B4GALT4: variants seen among roughly 807,000 people sequenced by gnomAD.
B4GALT4 encodes N-acetyllactosamine synthase.
Under a neutral mutation model 37.3 loss-of-function variants are expected in B4GALT4, and 27 were observed. That is an observed-to-expected ratio of 0.72 (90% confidence interval 0.53 to 1.00). The LOEUF (loss-of-function observed/expected upper bound fraction) is 1.00, where lower values mean the gene tolerates loss of function less well. Among genes scored for constraint, B4GALT4 ranks in the 50% least tolerant of loss-of-function variants. The pLI is 0.00. For synonymous variants in B4GALT4, 148 were observed against 154.1 expected (o/e 0.96, Z 0.29); for missense variants, 372 against 413.1 (o/e 0.90, Z 0.86).
intron 7 of B4GALT4, 104 bp from the exon 8 acceptor site, chr3:119,212,785 G>A (rs1302932137): frequency 1.8e-6 from 2 of 1,113,548 alleles, no homozygotes; most frequent in Non-Finnish European, 2.4e-6. Flanking sequence ...GTAAATTATT[G>A]TACCTGTTGT....
At chr3:119,225,428 GCT>G (rs926092527) in intron 4 of B4GALT4, among the ~76,000 whole-genome samples, 2 of 151,658 alleles carry the variant, frequency 1.3e-5, no homozygotes, top group Non-Finnish European at 2.9e-5. Context: ...ATGGAATCTC[GCT>G]CTGTTGCCCA....
chr3:119,225,006 GACTT>G (rs531942296), intron 4 of B4GALT4, among the ~76,000 whole-genome samples: 89 of 152,316 alleles, frequency 5.8e-4, no homozygotes, highest in South Asian at 3.9e-3. Context: ...GCTTCTAAGA[GACTT>G]AGTTAATAGC....
chr3:119,212,655 C>T lies in B4GALT4; in HGVS notation c.929G>A (p.Arg310Gln), dbSNP rs773364309. 38 of 1,609,506 alleles carry T rather than the reference C, an allele frequency of 2.4e-5. No homozygotes were observed. Among genetic ancestry groups the T allele is most frequent in the Non-Finnish European group, 3.2e-5 (38 of 1,178,808 alleles). The change falls in exon 8 of 8, where the codon CGA (arginine) becomes CAA (glutamine). Residue 310 changes from arginine (R) to glutamine (Q), a missense_variant. Arg to Gln is a conservative substitution (Grantham distance 43). Coordinates refer to ENST00000393765, the MANE Select transcript of B4GALT4 (RefSeq NM_003778.4). The part of the protein sequence containing the change: ...ERMKLLHQVS[R>Q]VWRTDGLSSC... ...ACTCAACCCATCTGTTCTCCAGACT[C>T]GTGACACTTGGTGTAAGAGCTTCAT...
intron 4 of B4GALT4, chr3:119,226,598 G>C (rs1262018676): frequency 7.1e-6 from 4 of 566,712 alleles, no homozygotes; most frequent in Middle Eastern, 4.7e-4. Context: ...TTCCTTTAAG[G>C]GCAGTAAAAT....
In B4GALT4 at chr3:119,220,418, T is replaced by A. The variant is rs1249706065; in HGVS notation, c.675-1646A>T. 6.6e-5 allele frequency among the ~76,000 whole-genome samples: 10 copies of A among 152,376 alleles called. No homozygotes were observed. The East Asian group carries it at 1.9e-3, about 29-fold the overall frequency. Reference sequence around the variant, plus strand: ...GATTATCAAAACCAATATCGCCATGTGCAAGACGGCTGGCTAAACACGGGA... The same window carrying A: ...GATTATCAAAACCAATATCGCCATGAGCAAGACGGCTGGCTAAACACGGGA... On this transcript the variant is annotated intron_variant, in intron 5 of 7. Transcript: ENST00000393765.
chr3:119,215,586 CCTGA>C (rs1241258385), intron 7 of B4GALT4: 1 of 152,116 alleles, frequency 6.6e-6, no homozygotes, highest in Non-Finnish European at 1.5e-5. Flanking sequence ...TCTAGAGAAC[CCTGA>C]CTAATACAAC....
Position 119,216,325 on chromosome 3 carries a change from T to C in B4GALT4, c.817A>G (p.Lys273Glu), listed in dbSNP as rs1374498841. ...ACTTCAGGCAGGGGCCGGGAAATTT[T>C]CATTCTTTGGAGCTCAACCCTAGAA... ...LRLRVELQRM[K>E]ISRPLPEVGK... Residue 273 changes from lysine (K) to glutamate (E), a missense_variant, in exon 7 of 8, where the codon AAA (lysine) becomes GAA (glutamate). By Grantham distance (56) the Lys-to-Glu change is moderately conservative. Transcript: ENST00000393765. 1 of 1,613,854 alleles carries C rather than the reference T, an allele frequency of 6.2e-7. No individual in the cohort carries two copies.
In B4GALT4 at chr3:119,212,689, T is replaced by C. The variant is rs1252198518; in HGVS notation, c.903-8A>G. ...TGGTGTAAGAGCTTCATCCTAAAGA[T>C]AAAAAGAACAAATGTGAATGATAAG... On this transcript the variant is annotated splice_region_variant and splice_polypyrimidine_tract_variant and intron_variant, in intron 7 of 7. Transcript: ENST00000393765. 7 of 1,583,076 alleles carry C rather than the reference T, an allele frequency of 4.4e-6. No individual in the cohort carries two copies. Among genetic ancestry groups the C allele is most frequent in the African/African-American group, 2.7e-5 (2 of 73,100 alleles).
At chr3:119,220,556 A>C (rs2078418758) in intron 5 of B4GALT4, among the ~76,000 whole-genome samples, 1 of 152,214 alleles carries the variant, frequency 6.6e-6, no homozygotes, top group Non-Finnish European at 1.5e-5. Context: ...GAAGGATTCA[A>C]ATAGGCAGAA....
At chr3:119,224,365 T>C (rs1344334848) in intron 4 of B4GALT4, 120 bp from the exon 5 acceptor site, 1 of 670,150 alleles carries the variant, frequency 1.5e-6, no homozygotes, top group East Asian at 3.1e-5. Flanking sequence ...AGACTACACT[T>C]GTGACATAAA....
chr3:119,227,007 G>T lies in B4GALT4; in HGVS notation c.288C>A (p.Leu96=). ...TTTCTGCCTGTACCTCTTCCAAAGT[G>T]AGATCTGGTTTGAAAATGAGCTTGC... ...GQSKLIFKPD[L]TLEEVQAENP... is the part of the protein sequence containing the mutation. The change falls in exon 4 of 8, where the codon CTC becomes CTA. Residue 96 remains leucine, a synonymous_variant. Transcript: ENST00000393765. The T allele has an allele frequency of 6.2e-7, 1 of 1,614,182 alleles. No homozygotes were observed. Among genetic ancestry groups the T allele is most frequent in the Non-Finnish European group, 8.5e-7 (1 of 1,180,034 alleles).
At chr3:119,229,586 TC>T (rs2078743921) in intron 3 of B4GALT4, among the ~76,000 whole-genome samples, 1 of 152,192 alleles carries the variant, frequency 6.6e-6, no homozygotes, top group Admixed American at 6.5e-5. Flanking sequence ...TTCCTATGGT[TC>T]CAGCAAGATT....
chr3:119,239,309 G>GAGCC (rs2079077625), intron 1 of B4GALT4, among the ~76,000 whole-genome samples: 1 of 129,424 alleles, frequency 7.7e-6, no homozygotes, highest in Non-Finnish European at 1.6e-5. Context: ...CTGGGCCACA[G>GAGCC]AGCCAGATTC....
At chr3:119,221,788 A>G (rs1165300575) in intron 5 of B4GALT4, among the ~76,000 whole-genome samples, 1 of 152,244 alleles carries the variant, frequency 6.6e-6, no homozygotes, top group East Asian at 1.9e-4. Flanking sequence ...CTCTCGATCA[A>G]AAGGGGAAAC....
intron 3 of B4GALT4, among the ~76,000 whole-genome samples, chr3:119,229,162 G>C (rs929804526): frequency 2.0e-5 from 3 of 152,188 alleles, no homozygotes; most frequent in African/African-American, 7.2e-5. Context: ...ACCCCACTGA[G>C]GCTTGAATGT....
intron 5 of B4GALT4, among the ~76,000 whole-genome samples, chr3:119,222,722 T>A (rs1421257091): frequency 6.6e-6 from 1 of 152,224 alleles, no homozygotes. Context: ...CTGTGCTCTC[T>A]GGCATGTCTT....
chr3:119,237,223 G>A (rs1209269399), intron 1 of B4GALT4, among the ~76,000 whole-genome samples, 153 bp from the exon 2 acceptor site: 1 of 152,122 alleles, frequency 6.6e-6, no homozygotes, highest in Middle Eastern at 3.2e-3. Context: ...CAACAGTGGA[G>A]TCAGTAGGAG....
chr3:119,219,364 CCAGA>C (rs1048692056), intron 5 of B4GALT4, among the ~76,000 whole-genome samples: 2 of 152,150 alleles, frequency 1.3e-5, no homozygotes, highest in Non-Finnish European at 2.9e-5. Context: ...GGCCTGCCAA[CCAGA>C]CAGAGTCTAG....
At chr3:119,213,583 CATT>C (rs1388949050) in intron 7 of B4GALT4, 2 of 152,168 alleles carry the variant, frequency 1.3e-5, no homozygotes, top group Non-Finnish European at 2.9e-5. Context: ...AAATAACTAT[CATT>C]ATCACAAATA....
Sources: allele counts gnomAD v4.1 joint callset (sites outside exome capture counted in the v4.1 genomes callset), GRCh38; gene constraint gnomAD v4.1.1; transcripts MANE v1.5; gene names NCBI Gene and HGNC (gene_info 2026-07-23, HGNC 2026-07-21).